SZT2: variants seen among roughly 807,000 people sequenced by gnomAD.
SZT2 encodes KICSTOR complex protein SZT2.
In SZT2, 216 loss-of-function variants were observed where a neutral mutation model predicts 404.2. The ratio of observed to expected loss-of-function variants is 0.53; its 90% CI spans 0.48 to 0.60. The LOEUF is 0.60. Among genes scored for constraint, SZT2 ranks in the 20% least tolerant of loss-of-function variants. The pLI is 0.00. For synonymous variants in SZT2, 1,693 were observed against 1,749.9 expected, an observed-to-expected ratio of 0.97 and a Z score of 0.81; for missense variants, 3,857 against 4,459.2, an observed-to-expected ratio of 0.86 and a Z score of 3.85.
Position 43,440,068 on chromosome 1 carries a change from C to T in SZT2, c.7210+20C>T. 6.2e-7 allele frequency: 1 copy of T among 1,613,480 alleles called. No homozygotes were observed. Among genetic ancestry groups the T allele is most frequent in the Non-Finnish European group, 8.5e-7 (1 of 1,179,772 alleles). On this transcript the variant is annotated intron_variant, in intron 51 of 71. Transcript: ENST00000634258. ...CCACAGGTATGCAAGTCAAGAGGTC[C>T]CTGGGGTCCAGAGAATGTCACAGAT...
Position 43,450,660 on chromosome 1 carries a change from G to A in SZT2, c.*180G>A, listed in dbSNP as rs568017248. On this transcript the variant is annotated 3_prime_UTR_variant, in exon 72 of 72. Transcript: ENST00000634258. This position sits in a 1 kb window ranked among gnomAD's most constrained non-coding sequence, Gnocchi z 4.3. ...CTGCCCCAGCCTGGCAGCAGGAACC[G>A]CCCTCCCCAAACACCCACAGCCACT... 2,409 of 955,576 alleles carry A rather than the reference G, an allele frequency of 2.5e-3. 9 individuals carry two copies. The highest frequency in any genetic ancestry group is 3.4e-3 in the Non-Finnish European group (2,211 of 643,110). 59.2% of individuals were successfully genotyped at this position (955,576 alleles called of 1,614,324 possible). A position where few individuals can be genotyped will look rare whatever the true frequency, so the allele number is the denominator to read the frequency against.
At chr1:43,440,316 C>A in intron 51 of SZT2, 137 bp from the exon 52 acceptor site, 1 of 1,342,714 alleles carries the variant, frequency 7.4e-7, no homozygotes, top group Non-Finnish European at 1.0e-6. Context: ...CAGCAGCACA[C>A]TATCAGTTGT....
Position 43,450,472 on chromosome 1 carries a change from C to G in SZT2, c.10291C>G (p.Leu3431Val). The change falls in exon 72 of 72, where the codon CTC (leucine) becomes GTC (valine). Residue 3431 changes from leucine to valine, a missense_variant. Coordinates refer to ENST00000634258, the MANE Select transcript of SZT2 (RefSeq NM_001365999.1). The surrounding 1 kb of genome is among the most constrained non-coding windows in gnomAD (Gnocchi z 4.3). Reference sequence around the variant, plus strand: ...AGCCTGTTTCACCCTCTGGACCCGCCTCCTCTGAGGGAGTGGACTGGACCA... The same window carrying G: ...AGCCTGTTTCACCCTCTGGACCCGCGTCCTCTGAGGGAGTGGACTGGACCA... ...NTACFTLWTR[L>V]L The G allele has an allele frequency of 3.7e-6, 6 of 1,614,130 alleles. No homozygotes were observed. Among genetic ancestry groups the G allele is most frequent in the Non-Finnish European group, 5.1e-6 (6 of 1,179,982 alleles).
intron 4 of SZT2, chr1:43,409,405 A>G (rs547853144): frequency 5.5e-5 from 17 of 306,826 alleles, no homozygotes; most frequent in South Asian, 4.5e-4. Flanking sequence ...AAGAGAGAAA[A>G]GTGAAGGTCT....
chr1:43,403,090 T>G (rs573118334), intron 1 of SZT2, 87 bp from the exon 2 acceptor site: 4 of 1,475,918 alleles, frequency 2.7e-6, no homozygotes, highest in African/African-American at 1.4e-5. Flanking sequence ...GGTGAGTTCC[T>G]TGGGCAAATT....
At chr1:43,414,500 C>A (rs144729741) in intron 4 of SZT2, among the ~76,000 whole-genome samples, 2,057 of 152,154 alleles carry the variant, frequency 0.014, 50 homozygotes, top group African/African-American at 0.047. Flanking sequence ...CTGCTCACTG[C>A]AACCTCTGCC....
Position 43,424,509 on chromosome 1 carries a change from A to G in SZT2, c.2471+77A>G, listed in dbSNP as rs1283028206. Reference sequence around the variant, plus strand: ...AGACTGGGACACTAGCAAAAAGCCTATAGCACACACTTCTCCTCTCTAATT... The same window carrying G: ...AGACTGGGACACTAGCAAAAAGCCTGTAGCACACACTTCTCCTCTCTAATT... On this transcript the variant is annotated intron_variant, in intron 16 of 71. Coordinates refer to ENST00000634258, the MANE Select transcript of SZT2 (RefSeq NM_001365999.1). This position sits in a 1 kb window ranked among gnomAD's most constrained non-coding sequence, Gnocchi z 4.1. 19 of 1,419,462 alleles carry G rather than the reference A, an allele frequency of 1.3e-5. No homozygotes were observed. The highest frequency in any genetic ancestry group is 2.4e-5 in the South Asian group (2 of 83,040). 87.9% of individuals were successfully genotyped at this position (1,419,462 alleles called of 1,614,324 possible). A position where few individuals can be genotyped will look rare whatever the true frequency, so the allele number is the denominator to read the frequency against.
rs141108411 is a variant in SZT2, at chr1:43,433,475, C to G, written c.5804+285C>G. Among the ~76,000 whole-genome samples the G allele has an allele frequency of 2.0e-5, 3 of 152,260 alleles. No homozygotes were observed. The East Asian group carries it at 5.8e-4, about 29-fold the overall frequency. On this transcript the variant is annotated intron_variant, in intron 40 of 71. Transcript: ENST00000634258. ...AAGGATCAGAGCAGCTTTAGAAGTTCGTGTATAAAAATAAAGCATAATAAG... is the reference window on the plus strand; with the variant it reads ...AAGGATCAGAGCAGCTTTAGAAGTTGGTGTATAAAAATAAAGCATAATAAG...
At position 43,404,415 on chromosome 1, in the gene SZT2, T is replaced by A. The variant is rs529198330; in HGVS notation, c.363T>A (p.Val121=). Residue 121 remains valine, a synonymous_variant, in exon 4 of 72, where the codon GTT becomes GTA. Transcript: ENST00000634258. ...DSTGEILFDE[V]FHALSRCLGG... is the part of the protein sequence containing the mutation. ...CAGGGGAGATCTTGTTTGATGAAGT[T>A]TTCCATGCCCTGTCCCGCTGCTTAG... The A allele has an allele frequency of 6.2e-7, 1 of 1,613,880 alleles. No individual in the cohort carries two copies. The highest frequency in any genetic ancestry group is 1.1e-5 in the South Asian group (1 of 91,000).
At chr1:43,410,995 T>C (rs1650972282) in intron 4 of SZT2, among the ~76,000 whole-genome samples, 1 of 152,138 alleles carries the variant, frequency 6.6e-6, no homozygotes, top group Non-Finnish European at 1.5e-5. Flanking sequence ...ATTCCTCTTC[T>C]GTAGAAAATG....
chr1:43,407,972 A>G (rs979492048), intron 4 of SZT2, among the ~76,000 whole-genome samples: 3 of 151,152 alleles, frequency 2.0e-5, no homozygotes, highest in Non-Finnish European at 4.4e-5. Context: ...AGCTGGGACT[A>G]CAGGCGCCCG....
chr1:43,413,866 A>G (rs1231846428), intron 4 of SZT2, among the ~76,000 whole-genome samples: 1 of 152,240 alleles, frequency 6.6e-6, no homozygotes, highest in Non-Finnish European at 1.5e-5. Context: ...AGTTAGAAAG[A>G]ATGAATAAGA....
chr1:43,409,587 C>G (rs1650761292), intron 4 of SZT2: 2 of 240,592 alleles, frequency 8.3e-6, no homozygotes, highest in South Asian at 8.3e-5. Context: ...GATACAAAAT[C>G]AACATACAGA....
intron 40 of SZT2, among the ~76,000 whole-genome samples, chr1:43,433,507 C>T (rs1240238829): frequency 2.6e-5 from 4 of 152,128 alleles, no homozygotes; most frequent in Admixed American, 6.6e-5. Flanking sequence ...TAAGGCTGGG[C>T]GTGGTAGCTC....
chr1:43,426,851 C>T lies in SZT2; in HGVS notation c.3309+42C>T, dbSNP rs746004653. 9 of 1,595,028 alleles carry T rather than the reference C, an allele frequency of 5.6e-6. No homozygotes were observed. The South Asian group carries it at 8.9e-5, about 16-fold the overall frequency. ...CTCCCTGAGCCCTTGTCACACTGAC[C>T]TCCTTCCAGCACCACATCTTCAGGC... On this transcript the variant is annotated intron_variant, in intron 23 of 71. Coordinates refer to ENST00000634258, the MANE Select transcript of SZT2 (RefSeq NM_001365999.1). The surrounding 1 kb of genome is among the most constrained non-coding windows in gnomAD (Gnocchi z 4.9).
chr1:43,435,462 G>C lies in SZT2; in HGVS notation c.6034+133G>C, dbSNP rs1225197931. 2.9e-6 allele frequency: 3 copies of C among 1,027,428 alleles called. No homozygotes were observed. The African/African-American group carries it at 4.8e-5, about 16-fold the overall frequency. 63.6% of individuals were successfully genotyped at this position (1,027,428 alleles called of 1,614,324 possible). ...GTGCCAAGTACTAGAGAGAGAGCAA[G>C]GAGGATAGGACAGGAAAGGATCACT... On this transcript the variant is annotated intron_variant, in intron 42 of 71. Coordinates refer to ENST00000634258, the MANE Select transcript of SZT2 (RefSeq NM_001365999.1).
chr1:43,427,097 C>T lies in SZT2; in HGVS notation c.3351C>T (p.Ala1117=). 6.2e-7 allele frequency: 1 copy of T among 1,614,170 alleles called. No homozygotes were observed. The highest frequency in any genetic ancestry group is 1.1e-5 in the South Asian group (1 of 91,078). The change falls in exon 24 of 72, where the codon GCC becomes GCT. Residue 1117 remains alanine, a synonymous_variant. Coordinates refer to ENST00000634258, the MANE Select transcript of SZT2 (RefSeq NM_001365999.1). ...LPETLKPLIS[A]QPPQWRCYAR... is the part of the protein sequence containing the mutation. Reference sequence around the variant, plus strand: ...AAACTCTCAAGCCTCTCATCTCTGCCCAGCCCCCTCAGTGGCGCTGCTATG... The same window carrying T: ...AAACTCTCAAGCCTCTCATCTCTGCTCAGCCCCCTCAGTGGCGCTGCTATG...
At position 43,420,725 on chromosome 1, in the gene SZT2, C is replaced by A; in HGVS notation, c.1262-24C>A. On this transcript the variant is annotated intron_variant, in intron 9 of 71. Transcript: ENST00000634258. The surrounding 1 kb of genome is among the most constrained non-coding windows in gnomAD (Gnocchi z 5.1). ...CCTAGAGTCCTATGCCTTCTCCTAA[C>A]TGGCCCTTCCGCTTCTCCCTAAGGA... 1 of 1,594,508 alleles carries A rather than the reference C, an allele frequency of 6.3e-7. No individual in the cohort carries two copies.
In SZT2 at chr1:43,426,110, A is replaced by G; in HGVS notation, c.3002A>G (p.Gln1001Arg). The change falls in exon 21 of 72, where the codon CAG becomes CGG. Residue 1001 changes from glutamine to arginine, a missense_variant. By Grantham distance (43) the Gln-to-Arg change is conservative. Around this residue, in one of 7 missense-constraint regions of SZT2, gnomAD observed 1,725 missense variants for 1,881.0 expected, o/e 0.92. Coordinates refer to ENST00000634258, the MANE Select transcript of SZT2 (RefSeq NM_001365999.1). The surrounding 1 kb of genome is among the most constrained non-coding windows in gnomAD (Gnocchi z 4.9). Reference sequence around the variant, plus strand: ...TTTGACCTAATGGGATTGCTGCCACAGTGCCAGCAGCTCCAGATGTTCTTC... The same window carrying G: ...TTTGACCTAATGGGATTGCTGCCACGGTGCCAGCAGCTCCAGATGTTCTTC... ...FHFDLMGLLPQCQQLQMFFLL... is the reference protein window; with the variant it reads ...FHFDLMGLLPRCQQLQMFFLL... 1 of 1,614,172 alleles carries G rather than the reference A, an allele frequency of 6.2e-7. No homozygotes were observed. Among genetic ancestry groups the G allele is most frequent in the Non-Finnish European group, 8.5e-7 (1 of 1,180,034 alleles).
Sources: allele counts gnomAD v4.1 joint callset (sites outside exome capture counted in the v4.1 genomes callset), GRCh38; gene constraint gnomAD v4.1.1; regional missense constraint gnomAD v4.1.1; non-coding constraint Gnocchi (gnomAD v3.1); transcripts MANE v1.5; gene names NCBI Gene and HGNC (gene_info 2026-07-23, HGNC 2026-07-21).